The following CLSTN2 variants were observed in gnomAD, a reference collection of about 807,000 sequenced individuals.
CLSTN2 encodes calsyntenin-2.
Under a neutral mutation model 101.2 loss-of-function variants are expected in CLSTN2, and 48 were observed. That is an observed-to-expected ratio of 0.47 (90% confidence interval 0.38 to 0.60). CLSTN2 has a LOEUF of 0.60. CLSTN2 is among the 20% of genes least tolerant of loss of function. CLSTN2 has a pLI of 0.00. For missense variants in CLSTN2, 1,160 were observed against 1,238.2 expected, an observed-to-expected ratio of 0.94 and a Z score of 0.95; for synonymous variants, 481 against 463.6, an observed-to-expected ratio of 1.04 and a Z score of -0.48.
At chr3:140,055,955 G>C (rs2008088496) in intron 1 of CLSTN2, among the ~76,000 whole-genome samples, 1 of 152,214 alleles carries the variant, frequency 6.6e-6, no homozygotes, top group Non-Finnish European at 1.5e-5. Flanking sequence ...GTACACAATG[G>C]CACTCATCAT....
chr3:140,544,886 T>C (rs1559900335), intron 9 of CLSTN2, among the ~76,000 whole-genome samples: 1 of 151,980 alleles, frequency 6.6e-6, no homozygotes, highest in Non-Finnish European at 1.5e-5. Flanking sequence ...ATCTAAGCTA[T>C]TTAGGGGTGG....
intron 2 of CLSTN2, among the ~76,000 whole-genome samples, chr3:140,201,511 C>A (rs969767484): frequency 6.6e-6 from 1 of 152,112 alleles, no homozygotes; most frequent in Admixed American, 6.5e-5. Context: ...GTTAGAATGG[C>A]ATGATTGGAA....
At chr3:140,475,723 G>A (rs905182535) in intron 8 of CLSTN2, among the ~76,000 whole-genome samples, 17 of 151,950 alleles carry the variant, frequency 1.1e-4, no homozygotes, top group African/African-American at 4.1e-4. Flanking sequence ...CTTTTTTCCT[G>A]AGGAGCACCT....
chr3:140,519,772 A>C (rs570048634), intron 8 of CLSTN2, among the ~76,000 whole-genome samples: 8 of 152,072 alleles, frequency 5.3e-5, no homozygotes, highest in Non-Finnish European at 1.2e-4. Context: ...CCAGCTTGCC[A>C]TTCTGTGTCT....
chr3:140,261,685 A>G (rs542242346), intron 2 of CLSTN2, among the ~76,000 whole-genome samples: 20 of 152,306 alleles, frequency 1.3e-4, no homozygotes, highest in African/African-American at 4.8e-4. Flanking sequence ...TGTTATATAC[A>G]TATCTACATA....
Position 140,562,214 on chromosome 3 carries a change from G to C in CLSTN2, c.2118G>C (p.Leu706Phe). The C allele has an allele frequency of 6.2e-7, 1 of 1,614,090 alleles. No individual in the cohort carries two copies. Among genetic ancestry groups the C allele is most frequent in the Admixed American group, 1.7e-5 (1 of 60,026 alleles). The change falls in exon 13 of 17, where the codon TTG becomes TTC. Residue 706 changes from leucine to phenylalanine, a missense_variant. Transcript: ENST00000458420. ...ACATTTTGGTGATCGGAGGGGACTT[G>C]GACCCAAGGCAGGAGTGCTTGGAGC... is the stretch of plus-strand genomic sequence containing the variant. ...FCDILVIGGD[L>F]DPRQECLELN...
At chr3:139,973,458 G>A (rs1181496198) in intron 1 of CLSTN2, among the ~76,000 whole-genome samples, 5 of 152,150 alleles carry the variant, frequency 3.3e-5, no homozygotes, top group Non-Finnish European at 7.4e-5. Flanking sequence ...AAGATAAGAT[G>A]TTAGGAACTT....
chr3:140,429,564 C>A (rs1164628775), intron 5 of CLSTN2, among the ~76,000 whole-genome samples: 2 of 152,098 alleles, frequency 1.3e-5, no homozygotes, highest in East Asian at 3.9e-4. Flanking sequence ...AGGGCCTCCT[C>A]ATATATCATC....
chr3:140,392,218 A>T (rs887038598), intron 2 of CLSTN2, among the ~76,000 whole-genome samples: 4 of 150,598 alleles, frequency 2.7e-5, no homozygotes, highest in South Asian at 4.2e-4. Flanking sequence ...AGCCACATTT[A>T]AAAAAAAGAA....
intron 1 of CLSTN2, among the ~76,000 whole-genome samples, chr3:140,040,393 C>T (rs1365888284): frequency 6.6e-6 from 1 of 152,120 alleles, no homozygotes; most frequent in African/African-American, 2.4e-5. Flanking sequence ...CCAGACAATG[C>T]ATTGCATAGG....
chr3:140,556,177 C>T (rs1357766549), intron 10 of CLSTN2, among the ~76,000 whole-genome samples: 2 of 152,108 alleles, frequency 1.3e-5, no homozygotes, highest in Non-Finnish European at 2.9e-5. Flanking sequence ...CCAGACCACC[C>T]GGCTAGCACA....
chr3:140,120,151 G>A (rs571237261), intron 1 of CLSTN2, among the ~76,000 whole-genome samples: 1 of 152,208 alleles, frequency 6.6e-6, no homozygotes, highest in East Asian at 1.9e-4. Flanking sequence ...TAGTCATCAA[G>A]AATGCCTACC....
intron 8 of CLSTN2, among the ~76,000 whole-genome samples, chr3:140,489,574 G>A (rs1934300297): frequency 6.6e-6 from 1 of 152,106 alleles, no homozygotes; most frequent in Non-Finnish European, 1.5e-5. Flanking sequence ...GGTAGTGGAA[G>A]GCTTGCATGG....
chr3:140,284,180 G>A (rs998257996), intron 2 of CLSTN2, among the ~76,000 whole-genome samples: 2 of 152,120 alleles, frequency 1.3e-5, no homozygotes, highest in African/African-American at 2.4e-5. Context: ...AATGACATGT[G>A]AAATCCAGGT....
intron 7 of CLSTN2, among the ~76,000 whole-genome samples, chr3:140,462,242 A>G (rs1480006700): frequency 6.6e-6 from 1 of 152,120 alleles, no homozygotes; most frequent in Non-Finnish European, 1.5e-5. Context: ...TCTCCACATC[A>G]TTTCTCCATG....
rs923605379 is a variant in CLSTN2, at chr3:140,566,247, C to T, written c.2862C>T (p.Pro954=). 5 of 1,564,068 alleles carry T rather than the reference C, an allele frequency of 3.2e-6. No individual in the cohort carries two copies. Among genetic ancestry groups the T allele is most frequent in the South Asian group, 1.2e-5 (1 of 85,408 alleles). ...AQLEWDDSTL[P]Y ...TGGAGTGGGATGACTCCACCCTCCC[C>T]TACTAGTGCCCAGGGGTCTGCTGCC... Residue 954 remains proline (P), a synonymous_variant, in exon 17 of 17, where the codon CCC becomes CCT. Coordinates refer to ENST00000458420, the MANE Select transcript of CLSTN2 (RefSeq NM_022131.3).
chr3:140,415,460 T>C (rs1009567448), intron 4 of CLSTN2, among the ~76,000 whole-genome samples: 3 of 85,540 alleles, frequency 3.5e-5, no homozygotes, highest in African/African-American at 1.4e-4. Context: ...CCAAAATATA[T>C]GAGGAACTCA....
intron 1 of CLSTN2, among the ~76,000 whole-genome samples, chr3:140,132,013 C>G (rs2009530429): frequency 6.6e-6 from 1 of 152,190 alleles, no homozygotes; most frequent in African/African-American, 2.4e-5. Context: ...GCAGGTGATA[C>G]AACAACCCCC....
chr3:140,483,466 G>C (rs544759674), intron 8 of CLSTN2, among the ~76,000 whole-genome samples: 1 of 152,282 alleles, frequency 6.6e-6, no homozygotes, highest in East Asian at 1.9e-4. Context: ...GGTCTGCTTG[G>C]TGCAGAGCTG....
Sources: allele counts gnomAD v4.1 joint callset (sites outside exome capture counted in the v4.1 genomes callset), GRCh38; gene constraint gnomAD v4.1.1; transcripts MANE v1.5; gene names NCBI Gene and HGNC (gene_info 2026-07-23, HGNC 2026-07-21).